HNF4G: variants seen among roughly 807,000 people sequenced by gnomAD.
HNF4G encodes the protein hepatocyte nuclear factor 4-gamma.
In HNF4G, 21 loss-of-function variants were observed where a neutral mutation model predicts 50.9. That is an observed-to-expected ratio of 0.41 (90% CI 0.29 to 0.59). The LOEUF (loss-of-function observed/expected upper bound fraction) is 0.59, where lower values mean the gene tolerates loss of function less well. Among genes scored for constraint, HNF4G ranks in the 20% least tolerant of loss-of-function variants. The probability of loss-of-function intolerance (pLI) is 0.26; values close to 1 mark genes in which losing one functional copy is unlikely to be tolerated. For synonymous variants in HNF4G, 198 were observed against 185.6 expected, an observed-to-expected ratio of 1.07 and a Z score of -0.54; for missense variants, 527 against 559.4, an observed-to-expected ratio of 0.94 and a Z score of 0.58.
chr8:75,553,976 T>G (rs1440434154), intron 5 of HNF4G, among the ~76,000 whole-genome samples: 1 of 152,170 alleles, frequency 6.6e-6, no homozygotes, highest in Non-Finnish European at 1.5e-5. Flanking sequence ...GTATAATTTT[T>G]TGTAGATGAA....
Position 75,551,418 on chromosome 8 carries a change from C to T in HNF4G, c.413C>T (p.Thr138Ile), listed in dbSNP as rs373120695. Residue 138 changes from threonine (T) to isoleucine (I), a missense_variant, in exon 4 of 10, where the codon ACC (threonine) becomes ATC (isoleucine). Around this residue, in one of 5 missense-constraint regions of HNF4G, gnomAD observed 128 missense variants for 135.3 expected, o/e 0.95. Transcript: ENST00000396423. Reference sequence around the variant, plus strand: ...CAAAATGAACGTGACAGAATAAGCACCAGAAGAAGCACATTTGATGGCAGC... The same window carrying T: ...CAAAATGAACGTGACAGAATAAGCATCAGAAGAAGCACATTTGATGGCAGC... ...AVQNERDRIS[T>I]RRSTFDGSNI... 1 of 1,612,654 alleles carries T rather than the reference C, an allele frequency of 6.2e-7. No homozygotes were observed. Among genetic ancestry groups the T allele is most frequent in the Non-Finnish European group, 8.5e-7 (1 of 1,178,952 alleles).
In HNF4G at chr8:75,436,901, G is replaced by A. The variant is rs139634147; in HGVS notation, c.-144+28739G>A. ...TCTACATAGAATAAAAAAGTTAGCT[G>A]GACATGGTGGTGCATGCCTGTAGTC... On this transcript the variant is annotated intron_variant, in intron 1 of 10. Coordinates refer to the HNF4G transcript ENST00000354370. Among the ~76,000 whole-genome samples the A allele has an allele frequency of 3.8e-3, 582 of 152,170 alleles. 3 individuals carry two copies. The highest frequency in any genetic ancestry group is 0.014 in the African/African-American group (563 of 41,512).
chr8:75,522,605 G>T (rs561186515), intron 2 of HNF4G, among the ~76,000 whole-genome samples: 13 of 152,138 alleles, frequency 8.5e-5, no homozygotes, highest in Non-Finnish European at 1.6e-4. Flanking sequence ...ATCATTTTAC[G>T]ATGTTTGCAG....
Position 75,453,762 on chromosome 8 carries a change from T to G in HNF4G, c.-143-36327T>G, listed in dbSNP as rs922611069. 2.0e-5 allele frequency among the ~76,000 whole-genome samples: 3 copies of G among 152,140 alleles called. No homozygotes were observed. The East Asian group carries it at 5.8e-4, about 29-fold the overall frequency. On this transcript the variant is annotated intron_variant, in intron 1 of 10. Coordinates refer to the HNF4G transcript ENST00000354370. ...TGATCTGTCTTCTTCGTGAGCAAGT[T>G]ATTTCATATCTCTGATCCTAATGTT... is the stretch of plus-strand genomic sequence containing the variant.
intron 9 of HNF4G, among the ~76,000 whole-genome samples, chr8:75,562,588 G>T (rs2130821250): frequency 6.6e-6 from 1 of 152,236 alleles, no homozygotes; most frequent in East Asian, 1.9e-4. Flanking sequence ...AATAAACATT[G>T]TAGGAATCAA....
intron 1 of HNF4G, among the ~76,000 whole-genome samples, chr8:75,460,003 T>C (rs10504593): frequency 0.12 from 18,854 of 152,072 alleles, 1,612 homozygotes; most frequent in African/African-American, 0.25. Flanking sequence ...TTGTGAGGCC[T>C]TGTAGATACT....
At chr8:75,554,651 A>G (rs1807062541) in intron 5 of HNF4G, among the ~76,000 whole-genome samples, 1 of 152,208 alleles carries the variant, frequency 6.6e-6, no homozygotes, top group Admixed American at 6.6e-5. Context: ...CAGTTTTAGG[A>G]ACTGTGGGTA....
intron 1 of HNF4G, among the ~76,000 whole-genome samples, chr8:75,474,764 C>G (rs920781837): frequency 1.3e-5 from 2 of 152,064 alleles, no homozygotes; most frequent in Non-Finnish European, 2.9e-5. Flanking sequence ...GTGGCGCGAT[C>G]TTGGCTCACT....
chr8:75,447,652 C>T (rs1473639374), intron 1 of HNF4G, among the ~76,000 whole-genome samples: 3 of 152,160 alleles, frequency 2.0e-5, no homozygotes, highest in African/African-American at 7.2e-5. Context: ...CAAAAGAATA[C>T]ATTTATACAG....
chr8:75,551,508 G>T lies in HNF4G; in HGVS notation c.489+14G>T, dbSNP rs201390875. On this transcript the variant is annotated intron_variant, in intron 4 of 9. Transcript: ENST00000396423. The stretch of plus-strand genomic sequence containing the variant: ...CGGTCTCGCCAGGTACCTGTGGCAC[G>T]GCAGCATCAAACCCTATTTAATAAA... 2.1e-6 allele frequency: 3 copies of T among 1,424,046 alleles called. No homozygotes were observed. The highest frequency in any genetic ancestry group is 2.3e-5 in the East Asian group (1 of 44,008). The allele number at this position is 1,424,046 out of a possible 1,614,324, so 88.2% of individuals were successfully genotyped here. A position where few individuals can be genotyped will look rare whatever the true frequency, so the allele number is the denominator to read the frequency against.
intron 1 of HNF4G, among the ~76,000 whole-genome samples, chr8:75,454,358 G>T (rs550991996): frequency 6.6e-6 from 1 of 152,180 alleles, no homozygotes; most frequent in Admixed American, 6.5e-5. Flanking sequence ...AGGGTTAAAT[G>T]AGATAAGTAT....
At chr8:75,408,284 ATTTG>A (rs1810413038) in intron 1 of HNF4G, 1 of 152,092 alleles carries the variant, frequency 6.6e-6, no homozygotes, top group Non-Finnish European at 1.5e-5. Flanking sequence ...AGAGAGTTGT[ATTTG>A]TTTGGGTGCA....
At chr8:75,444,302 C>T (rs1438383318) in intron 1 of HNF4G, among the ~76,000 whole-genome samples, 15 of 149,734 alleles carry the variant, frequency 1.0e-4, no homozygotes, top group Admixed American at 2.7e-4. Flanking sequence ...AAGGAACAAC[C>T]GGTACCAGCC....
chr8:75,452,999 TA>T (rs1400288934), intron 1 of HNF4G, among the ~76,000 whole-genome samples: 3 of 152,254 alleles, frequency 2.0e-5, no homozygotes, highest in African/African-American at 7.2e-5. Flanking sequence ...TATGTAAATT[TA>T]AAAAGGTTAA....
intron 2 of HNF4G, among the ~76,000 whole-genome samples, 161 bp downstream of exon 2, chr8:75,544,140 A>C (rs981048858): frequency 2.0e-5 from 3 of 152,242 alleles, no homozygotes; most frequent in African/African-American, 7.2e-5. Flanking sequence ...TGTACACAGG[A>C]TGTATTCACA....
At chr8:75,547,886 A>G (rs1227339567) in intron 3 of HNF4G, among the ~76,000 whole-genome samples, 3 of 152,146 alleles carry the variant, frequency 2.0e-5, no homozygotes, top group Non-Finnish European at 4.4e-5. Context: ...TCTGGTGACT[A>G]CCTGATTATG....
intron 2 of HNF4G, among the ~76,000 whole-genome samples, chr8:75,501,575 T>A (rs1438624971): frequency 6.6e-6 from 1 of 152,144 alleles, no homozygotes; most frequent in Non-Finnish European, 1.5e-5. Flanking sequence ...GTTGAAGAGA[T>A]TTTGTTCAGT....
intron 2 of HNF4G, among the ~76,000 whole-genome samples, chr8:75,523,771 A>G (rs1028486986): frequency 6.6e-6 from 1 of 151,954 alleles, no homozygotes; most frequent in African/African-American, 2.4e-5. Flanking sequence ...AATCACAAAA[A>G]GAAAACCATG....
rs185721652 is a variant in HNF4G, at chr8:75,510,101, T to C, written c.-24+19893T>C. Among the ~76,000 whole-genome samples the C allele has an allele frequency of 2.7e-3, 416 of 152,204 alleles. 1 individual carries two copies. Among genetic ancestry groups the C allele is most frequent in the African/African-American group, 9.4e-3 (392 of 41,542 alleles). On this transcript the variant is annotated intron_variant, in intron 2 of 10. Transcript: ENST00000354370. ...GACAAGATATGGGGGTGGAAGGCAG[T>C]GATATTGATTATCCTAACCCTGTGT...
Sources: allele counts gnomAD v4.1 joint callset (sites outside exome capture counted in the v4.1 genomes callset), GRCh38; gene constraint gnomAD v4.1.1; regional missense constraint gnomAD v4.1.1; transcripts MANE v1.5; gene names NCBI Gene and HGNC (gene_info 2026-07-23, HGNC 2026-07-21).